Variants in SBF2 observed in about 807,000 individuals in gnomAD.
SBF2 encodes SET binding factor 2.
In SBF2, 112 loss-of-function variants were observed where a neutral mutation model predicts 225.2. That is an observed-to-expected ratio of 0.50 (90% CI 0.43 to 0.58). The LOEUF (loss-of-function observed/expected upper bound fraction) is 0.58. SBF2 is among the 20% of genes least tolerant of loss of function. The probability of loss-of-function intolerance (pLI) is 0.00; values close to 1 mark genes in which losing one functional copy is unlikely to be tolerated. For synonymous variants in SBF2, 763 were observed against 773.3 expected, an observed-to-expected ratio of 0.99 and a Z score of 0.22; for missense variants, 1,996 against 2,206.2, an observed-to-expected ratio of 0.90 and a Z score of 1.91.
chr11:10,163,855 A>G (rs1955848462), intron 2 of SBF2, among the ~76,000 whole-genome samples: 1 of 152,212 alleles, frequency 6.6e-6, no homozygotes. Flanking sequence ...TCACAGTGTT[A>G]CCAAGTGGAG....
chr11:10,240,267 A>G lies in SBF2; in HGVS notation c.56-46280T>C, dbSNP rs554759502. 1.3e-3 allele frequency among the ~76,000 whole-genome samples: 190 copies of G among 151,046 alleles called. 1 individual carries two copies. The highest frequency in any genetic ancestry group is 2.2e-3 in the Non-Finnish European group (147 of 67,754). On this transcript the variant is annotated intron_variant, in intron 1 of 39. Coordinates refer to ENST00000256190, the MANE Select transcript of SBF2 (RefSeq NM_030962.4). ...GCATACAATTAAAAGAACAAAAAAAAAAAAAAAACAGGATAACCTGTTAAG... is the reference window on the plus strand; with the variant it reads ...GCATACAATTAAAAGAACAAAAAAAGAAAAAAAACAGGATAACCTGTTAAG...
intron 16 of SBF2, 59 bp from the exon 17 acceptor site, chr11:9,896,070 T>A (rs879879031): frequency 1.5e-6 from 2 of 1,322,418 alleles, no homozygotes; most frequent in Admixed American, 3.4e-5. Context: ...CACAAATACA[T>A]GCGAACTAAC....
chr11:10,039,394 C>T (rs1228483001), intron 3 of SBF2, among the ~76,000 whole-genome samples: 7 of 151,618 alleles, frequency 4.6e-5, no homozygotes. Context: ...CCCTCTTTTC[C>T]ACCAAGCCCA....
chr11:10,090,665 T>C (rs1226396483), intron 2 of SBF2, among the ~76,000 whole-genome samples: 1 of 146,576 alleles, frequency 6.8e-6, no homozygotes, highest in African/African-American at 2.5e-5. Context: ...CTCAGGAGGC[T>C]GAGGCAGGAG....
In SBF2 at chr11:9,829,475, G is replaced by T. The variant is rs759215256; in HGVS notation, c.3674C>A (p.Ser1225Tyr). Reference protein sequence around the residue: ...PQAAPTSSLESSSSIEQEKYL... With the variant: ...PQAAPTSSLEYSSSIEQEKYL... ...TTTCTCTTGTTCTATGCTACTGGAA[G>T]ATTCTAAAGAGGAGGTAGGAGCTAT... The change falls in exon 28 of 40, where the codon TCT (serine) becomes TAT (tyrosine). Residue 1225 changes from serine (S) to tyrosine (Y), a missense_variant. Transcript: ENST00000256190. 6.2e-7 allele frequency: 1 copy of T among 1,612,480 alleles called. No homozygotes were observed.
chr11:10,292,556 G>A (rs1025211576), intron 1 of SBF2, among the ~76,000 whole-genome samples: 4 of 151,662 alleles, frequency 2.6e-5, no homozygotes, highest in Non-Finnish European at 5.9e-5. Context: ...GCGGGCGCCT[G>A]TAAATCCCAG....
intron 1 of SBF2, among the ~76,000 whole-genome samples, chr11:10,195,272 A>G (rs1259935068): frequency 6.6e-6 from 1 of 152,238 alleles, no homozygotes; most frequent in Non-Finnish European, 1.5e-5. Context: ...AGATGTTGAC[A>G]AACGTTCCCT....
chr11:9,899,268 A>G (rs1173874973), intron 16 of SBF2, among the ~76,000 whole-genome samples: 3 of 150,990 alleles, frequency 2.0e-5, no homozygotes, highest in Non-Finnish European at 4.4e-5. Context: ...CCAAGGCAGG[A>G]GGACTGCTTG....
At chr11:10,145,790 G>C (rs533111225) in intron 2 of SBF2, among the ~76,000 whole-genome samples, 1 of 152,186 alleles carries the variant, frequency 6.6e-6, no homozygotes, top group East Asian at 1.9e-4. Flanking sequence ...AACTATCCCT[G>C]TTTGCAGATG....
chr11:9,992,121 G>A (rs1178703655), intron 12 of SBF2, among the ~76,000 whole-genome samples: 1 of 152,096 alleles, frequency 6.6e-6, no homozygotes, highest in African/African-American at 2.4e-5. Context: ...GAATTACATA[G>A]TGGCGAATTC....
At chr11:10,132,020 T>C (rs868155694) in intron 2 of SBF2, among the ~76,000 whole-genome samples, 2 of 152,348 alleles carry the variant, frequency 1.3e-5, no homozygotes, top group East Asian at 3.9e-4. Flanking sequence ...TTTGAGTTAC[T>C]CTGGTACCAC....
intron 2 of SBF2, among the ~76,000 whole-genome samples, chr11:10,074,758 GAC>G (rs1440031548): frequency 2.0e-5 from 3 of 152,114 alleles, no homozygotes; most frequent in African/African-American, 7.2e-5. Context: ...TTTTACATCA[GAC>G]ACACACAATT....
intron 1 of SBF2, among the ~76,000 whole-genome samples, chr11:10,205,283 G>A (rs924250465): frequency 4.0e-5 from 6 of 151,738 alleles, no homozygotes; most frequent in Non-Finnish European, 7.4e-5. Flanking sequence ...TGAACTTTAC[G>A]GTATGTAAAT....
intron 16 of SBF2, among the ~76,000 whole-genome samples, chr11:9,921,119 G>A (rs1035199047): frequency 7.3e-6 from 1 of 137,748 alleles, no homozygotes; most frequent in Non-Finnish European, 1.5e-5. Flanking sequence ...TGCCCAGGCT[G>A]GAGTACAATG....
intron 16 of SBF2, among the ~76,000 whole-genome samples, chr11:9,896,551 G>C (rs1861273059): frequency 6.6e-6 from 1 of 152,106 alleles, no homozygotes; most frequent in Non-Finnish European, 1.5e-5. Context: ...CAGCACTTTG[G>C]GAGGCTGAGG....
chr11:10,149,706 A>G (rs535130711), intron 2 of SBF2: 3 of 152,320 alleles, frequency 2.0e-5, no homozygotes, highest in African/African-American at 4.8e-5. Flanking sequence ...CAAAATGTCA[A>G]TTTCTATGTT....
intron 2 of SBF2, among the ~76,000 whole-genome samples, chr11:10,069,911 T>C (rs1208389724): frequency 1.3e-5 from 2 of 152,270 alleles, no homozygotes; most frequent in Non-Finnish European, 2.9e-5. Context: ...TGATGACCAA[T>C]GATGATGAGC....
upstream of SBF2, among the ~76,000 whole-genome samples, chr11:10,297,461 A>C (rs1416586475): frequency 6.6e-6 from 1 of 152,208 alleles, no homozygotes; most frequent in Non-Finnish European, 1.5e-5. Context: ...TATCTAAAAA[A>C]TTATTGCCAT....
At chr11:9,936,318 G>A (rs1325726132) in intron 16 of SBF2, among the ~76,000 whole-genome samples, 3 of 152,214 alleles carry the variant, frequency 2.0e-5, no homozygotes, top group East Asian at 3.8e-4. Flanking sequence ...TGCTGGAGCG[G>A]ATGTGGAGAA....
Sources: allele counts gnomAD v4.1 joint callset (sites outside exome capture counted in the v4.1 genomes callset), GRCh38; gene constraint gnomAD v4.1.1; transcripts MANE v1.5; gene names NCBI Gene and HGNC (gene_info 2026-07-23, HGNC 2026-07-21).